Variants in MYOCD observed in about 807,000 individuals in gnomAD.
MYOCD encodes the protein myocardin.
In MYOCD, 32 loss-of-function variants were observed where a neutral mutation model predicts 96.1. The ratio of observed to expected loss-of-function variants is 0.33; its 90% CI spans 0.25 to 0.45. The LOEUF (loss-of-function observed/expected upper bound fraction) is 0.45. MYOCD is among the 20% of genes least tolerant of loss of function. The probability of loss-of-function intolerance (pLI) is 1.00; values close to 1 mark genes in which losing one functional copy is unlikely to be tolerated. For synonymous variants in MYOCD, 469 were observed against 469.0 expected, an observed-to-expected ratio of 1.00 and a Z score of 0.00; for missense variants, 1,133 against 1,200.6, an observed-to-expected ratio of 0.94 and a Z score of 0.83.
rs528634460 is a variant in MYOCD, at chr17:12,737,026, G to A, written c.591+690G>A. On this transcript the variant is annotated intron_variant, in intron 6 of 13. Transcript: ENST00000425538. ...TCCCGGCACTTTGGGAGGCTGAGGCGGGCGGATCACCTGAGATCAGGAGTG... is the reference window on the plus strand; with the variant it reads ...TCCCGGCACTTTGGGAGGCTGAGGCAGGCGGATCACCTGAGATCAGGAGTG... Among the ~76,000 whole-genome samples the A allele has an allele frequency of 3.4e-4, 51 of 152,198 alleles. No individual in the cohort carries two copies. The East Asian group carries it at 9.1e-3, about 27-fold the overall frequency.
intron 5 of MYOCD, among the ~76,000 whole-genome samples, chr17:12,731,959 T>C (rs2032184698): frequency 6.6e-6 from 1 of 152,202 alleles, no homozygotes; most frequent in African/African-American, 2.4e-5. Flanking sequence ...AACCAGTCAC[T>C]TGTAGCCCTG....
At chr17:12,763,022 G>T in intron 13 of MYOCD, 51 bp from the exon 14 acceptor site, 3 of 1,464,620 alleles carry the variant, frequency 2.0e-6, no homozygotes, top group Non-Finnish European at 2.8e-6. Flanking sequence ...ATATTGTGTG[G>T]CATGCTCAAT....
rs377161095 is a variant in MYOCD at position 12,753,039 on chromosome 17, A to G, written c.1751A>G (p.Gln584Arg). Reference protein sequence around the residue: ...EAVSSCPFASQVPVKRQSSSS... With the variant: ...EAVSSCPFASRVPVKRQSSSS... ...GTCTCCAGCTGTCCTTTTGCATCCC[A>G]AGTACCTGTGAAAAGACAAAGCAGC... The change falls in exon 10 of 14, where the codon CAA becomes CGA. Residue 584 changes from glutamine (Q) to arginine (R), a missense_variant. Coordinates refer to ENST00000425538, the MANE Select transcript of MYOCD (RefSeq NM_001146312.3). 6.8e-6 allele frequency: 11 copies of G among 1,614,024 alleles called. No homozygotes were observed. Among genetic ancestry groups the G allele is most frequent in the Non-Finnish European group, 8.5e-6 (10 of 1,180,034 alleles).
At chr17:12,706,885 GA>G (rs1168446494) in intron 2 of MYOCD, among the ~76,000 whole-genome samples, 1 of 151,984 alleles carries the variant, frequency 6.6e-6, no homozygotes, top group Admixed American at 6.6e-5. Flanking sequence ...ATAATTTCTA[GA>G]AAAAAATCCT....
chr17:12,678,550 G>C (rs1461555776), intron 1 of MYOCD, among the ~76,000 whole-genome samples: 1 of 152,072 alleles, frequency 6.6e-6, no homozygotes, highest in Admixed American at 6.5e-5. Flanking sequence ...GAGAGAGAGA[G>C]AGAAAACAAA....
chr17:12,748,172 A>C (rs1023586232), intron 9 of MYOCD, among the ~76,000 whole-genome samples: 49 of 150,032 alleles, frequency 3.3e-4, no homozygotes, highest in Admixed American at 1.7e-3. Flanking sequence ...AAAAAAAAAA[A>C]AAAAAACAAA....
At chr17:12,687,226 A>T (rs903372327) in intron 1 of MYOCD, among the ~76,000 whole-genome samples, 23 of 152,024 alleles carry the variant, frequency 1.5e-4, no homozygotes, top group Non-Finnish European at 2.5e-4. Context: ...AATATGTTTT[A>T]AAAAAAATTT....
chr17:12,723,251 G>A (rs2150690938), intron 5 of MYOCD, among the ~76,000 whole-genome samples: 1 of 152,296 alleles, frequency 6.6e-6, no homozygotes, highest in African/African-American at 2.4e-5. Flanking sequence ...GGCAAGTTGA[G>A]AACCTGACCA....
intron 1 of MYOCD, 56 bp downstream of exon 1, chr17:12,666,299 A>G: frequency 8.1e-7 from 1 of 1,235,014 alleles, no homozygotes; most frequent in Non-Finnish European, 1.2e-6. Flanking sequence ...GCAATTCTCA[A>G]CTCTAGAACT....
rs2033232025 is a variant in MYOCD at position 12,763,163 on chromosome 17, C to T, written c.2480C>T (p.Thr827Ile). The change falls in exon 14 of 14, where the codon ACC (threonine) becomes ATC (isoleucine). Residue 827 changes from threonine to isoleucine, a missense_variant. Physicochemically the swap from Thr to Ile is moderately conservative, Grantham distance 89. Coordinates refer to ENST00000425538, the MANE Select transcript of MYOCD (RefSeq NM_001146312.3). ...RSSRSPTAVL[T>I]KPSASFEQAS... ...TCCCGAAGTCCAACTGCTGTCCTCACCAAGCCCTCGGCTTCCTTTGAACAA... is the reference window on the plus strand; with the variant it reads ...TCCCGAAGTCCAACTGCTGTCCTCATCAAGCCCTCGGCTTCCTTTGAACAA... 1 of 1,614,186 alleles carries T rather than the reference C, an allele frequency of 6.2e-7. No homozygotes were observed. Among genetic ancestry groups the T allele is most frequent in the Non-Finnish European group, 8.5e-7 (1 of 1,180,026 alleles).
intron 5 of MYOCD, among the ~76,000 whole-genome samples, chr17:12,731,087 C>T (rs1454664156): frequency 1.3e-5 from 2 of 152,176 alleles, no homozygotes; most frequent in Non-Finnish European, 2.9e-5. Context: ...CAAAGCAGGT[C>T]CTTGTCATCA....
At chr17:12,735,975 C>T (rs2032327837) in intron 5 of MYOCD, among the ~76,000 whole-genome samples, 186 bp from the exon 6 acceptor site, 2 of 152,316 alleles carry the variant, frequency 1.3e-5, no homozygotes, top group East Asian at 3.9e-4. Context: ...CTCTTTCCTC[C>T]ATGCCAAACA....
intron 2 of MYOCD, chr17:12,710,345 GCTGCTACGTGTCCACAGAGT>G (rs1332229872): frequency 1.1e-5 from 2 of 177,994 alleles, no homozygotes; most frequent in African/African-American, 4.8e-5. Flanking sequence ...GCCCGGGGAG[GCTGCTACGTGTCCACAGAGT>G]CTCAGAGAAA....
In MYOCD at chr17:12,666,144, C is replaced by G. The variant is rs779281676; in HGVS notation, c.-45C>G. On this transcript the variant is annotated 5_prime_UTR_variant, in exon 1 of 14. Coordinates refer to ENST00000425538, the MANE Select transcript of MYOCD (RefSeq NM_001146312.3). ...CCGGGAGCCTGTTGCTGGTGGAGAA[C>G]AGGGGGCGCCTGGCCAAGGGACCAG... is the stretch of plus-strand genomic sequence containing the variant. The G allele has an allele frequency of 2.7e-5, 41 of 1,534,414 alleles. No homozygotes were observed. The South Asian group carries it at 4.3e-4, about 16-fold the overall frequency.
chr17:12,751,931 C>T (rs1335016404), intron 9 of MYOCD, among the ~76,000 whole-genome samples: 1 of 152,190 alleles, frequency 6.6e-6, no homozygotes. Context: ...CTGCAGTCTG[C>T]TTTGTAACAC....
chr17:12,752,134 C>T lies in MYOCD; in HGVS notation c.1126-280C>T, dbSNP rs749582877. Among the ~76,000 whole-genome samples the T allele has an allele frequency of 2.0e-5, 3 of 152,216 alleles. No individual in the cohort carries two copies. In the South Asian group the frequency reaches 6.2e-4, roughly 32 times the overall value. ...GGACACAGATCGCCATGAGGGATGA[C>T]GGGCAGTAGATTAGATGACTTCTAC... is the stretch of plus-strand genomic sequence containing the variant. On this transcript the variant is annotated intron_variant, in intron 9 of 13. Transcript: ENST00000425538.
intron 5 of MYOCD, among the ~76,000 whole-genome samples, chr17:12,733,924 A>G (rs2032260097): frequency 6.6e-6 from 1 of 151,944 alleles, no homozygotes; most frequent in African/African-American, 2.4e-5. Context: ...TTCCTGAACT[A>G]TTATGAAGTC....
chr17:12,671,210 A>G (rs1023469132), intron 1 of MYOCD, among the ~76,000 whole-genome samples: 1 of 152,164 alleles, frequency 6.6e-6, no homozygotes, highest in African/African-American at 2.4e-5. Flanking sequence ...ATTTCATATC[A>G]TCTATGCTTG....
chr17:12,695,762 A>T (rs932131847), intron 1 of MYOCD, among the ~76,000 whole-genome samples: 35 of 152,188 alleles, frequency 2.3e-4, no homozygotes, highest in African/African-American at 8.4e-4. Context: ...GTTCAGTGGC[A>T]TTACGTACAC....
Sources: gnomAD v4.1 joint callset for allele counts (sites outside exome capture counted in the v4.1 genomes callset) on GRCh38, gnomAD v4.1.1 for gene constraint, MANE v1.5 for transcripts, NCBI Gene and HGNC (gene_info 2026-07-23, HGNC 2026-07-21) for gene names.